Variants in COL9A1 observed in about 807,000 individuals in gnomAD.
COL9A1 encodes collagen alpha-1(IX) chain.
A neutral mutation model predicts 142.6 loss-of-function variants in COL9A1; 104 were observed. The ratio of observed to expected loss-of-function variants is 0.73; its 90% confidence interval spans 0.62 to 0.86. The LOEUF (loss-of-function observed/expected upper bound fraction) is 0.86, where lower values mean the gene tolerates loss of function less well. COL9A1 is among the 40% of genes least tolerant of loss of function. The pLI, the probability that COL9A1 is intolerant of heterozygous loss-of-function variation, is 0.00. For synonymous variants in COL9A1, 466 were observed against 396.0 expected, an observed-to-expected ratio of 1.18 and a Z score of -2.10; for missense variants, 1,210 against 1,176.6, an observed-to-expected ratio of 1.03 and a Z score of -0.42.
chr6:70,239,162 A>G, intron 33 of COL9A1, 92 bp downstream of exon 33: 1 of 887,726 alleles, frequency 1.1e-6, no homozygotes, highest in South Asian at 1.5e-5. Context: ...ATTGAATGTT[A>G]CATAATGATT....
intron 4 of COL9A1, among the ~76,000 whole-genome samples, chr6:70,297,795 C>T (rs1175795282): frequency 1.3e-5 from 2 of 151,550 alleles, no homozygotes; most frequent in South Asian, 2.1e-4. Context: ...AAACATAACA[C>T]GTTTGTTAGT....
chr6:70,280,598 G>C, intron 10 of COL9A1: 2 of 1,300,632 alleles, frequency 1.5e-6, no homozygotes, highest in East Asian at 2.6e-5. Context: ...AAATGCCAAC[G>C]CCTCCTAGAG....
At chr6:70,287,039 G>T (rs570606887) in intron 5 of COL9A1, among the ~76,000 whole-genome samples, 2 of 152,152 alleles carry the variant, frequency 1.3e-5, no homozygotes, top group South Asian at 4.1e-4. Context: ...CAGTGGAGAT[G>T]ACAGAAATAT....
intron 11 of COL9A1, 115 bp from the exon 12 acceptor site, chr6:70,274,197 T>A (rs1015651979): frequency 6.9e-5 from 51 of 737,914 alleles, no homozygotes; most frequent in Middle Eastern, 3.0e-4. Flanking sequence ...TTTTTTTTTT[T>A]AAATTTCCAA....
intron 26 of COL9A1, 120 bp from the exon 27 acceptor site, chr6:70,252,435 G>T: frequency 1.2e-6 from 1 of 854,668 alleles, no homozygotes; most frequent in South Asian, 1.4e-5. Flanking sequence ...CTTTCACACT[G>T]AGAATCTGGG....
intron 28 of COL9A1, among the ~76,000 whole-genome samples, chr6:70,250,020 G>T (rs151336407): frequency 0.046 from 6,942 of 152,170 alleles, 322 homozygotes; most frequent in East Asian, 0.14. Flanking sequence ...CAGCACTTTG[G>T]GAGGCCAAAA....
intron 1 of COL9A1, 28 bp downstream of exon 1, chr6:70,302,883 A>G (rs967126261): frequency 1.9e-6 from 3 of 1,611,978 alleles, no homozygotes; most frequent in Non-Finnish European, 2.5e-6. Context: ...CCATCTCCCC[A>G]CCACTCTTTC....
intron 26 of COL9A1, chr6:70,253,140 G>A (rs530485171): frequency 2.5e-6 from 1 of 394,554 alleles, no homozygotes; most frequent in Non-Finnish European, 4.8e-6. Flanking sequence ...AAAATTTTCT[G>A]TTTTATACTG....
intron 2 of COL9A1, among the ~76,000 whole-genome samples, 192 bp from the exon 3 acceptor site, chr6:70,300,578 T>G (rs551590312): frequency 6.6e-6 from 1 of 152,290 alleles, no homozygotes; most frequent in Admixed American, 6.5e-5. Context: ...CCAGCTTGCT[T>G]AGAGGTAAAG....
intron 10 of COL9A1, chr6:70,279,912 G>A: frequency 3.7e-6 from 2 of 545,640 alleles, no homozygotes; most frequent in Non-Finnish European, 6.9e-6. Context: ...CACATAAAGT[G>A]GTAACTTGAA....
chr6:70,259,997 C>T (rs1771570857), intron 20 of COL9A1, among the ~76,000 whole-genome samples: 1 of 152,084 alleles, frequency 6.6e-6, no homozygotes, highest in South Asian at 2.1e-4. Flanking sequence ...GCTTACCTCT[C>T]CTTTTCCATC....
intron 37 of COL9A1, among the ~76,000 whole-genome samples, chr6:70,218,206 A>C (rs1463557582): frequency 2.0e-5 from 3 of 152,230 alleles, no homozygotes; most frequent in African/African-American, 7.2e-5. Context: ...TATTATTACA[A>C]TTATTAAGAT....
At chr6:70,260,565 A>AG (rs1771608392) in intron 20 of COL9A1, 92 bp downstream of exon 20, 1 of 1,068,466 alleles carries the variant, frequency 9.4e-7, no homozygotes, top group Admixed American at 2.4e-5. Context: ...AAAAAAAAAA[A>AG]AGTTGTTGAA....
intron 20 of COL9A1, among the ~76,000 whole-genome samples, chr6:70,260,269 C>T (rs542590120): frequency 8.5e-5 from 13 of 152,188 alleles, no homozygotes; most frequent in South Asian, 4.1e-4. Flanking sequence ...AGGCTGGGCG[C>T]GGTGGCTCAC....
intron 10 of COL9A1, chr6:70,279,952 C>T: frequency 1.5e-6 from 1 of 670,828 alleles, no homozygotes; most frequent in South Asian, 1.8e-5. Flanking sequence ...CCATGGTATG[C>T]TAAGAACAGA....
chr6:70,239,208 T>C (rs1770095554), intron 33 of COL9A1, 46 bp downstream of exon 33: 1 of 1,215,368 alleles, frequency 8.2e-7, no homozygotes, highest in Non-Finnish European at 1.2e-6. Flanking sequence ...TACAGCTTTA[T>C]TAATGTTTTT....
chr6:70,302,902 T>G lies in COL9A1; in HGVS notation c.14+9A>C, dbSNP rs747649242. 6.2e-7 allele frequency: 1 copy of G among 1,614,052 alleles called. No homozygotes were observed. The highest frequency in any genetic ancestry group is 1.7e-5 in the Admixed American group (1 of 60,032). On this transcript the variant is annotated intron_variant, in intron 1 of 37. Coordinates refer to ENST00000357250, the MANE Select transcript of COL9A1 (RefSeq NM_001851.6). ...CTCCCCACCACTCTTTCCAGGGTTA[T>G]TGTCTTACCAGCAGGTCTTCATTTT...
rs1242662341 is a variant in COL9A1, at chr6:70,300,082, T to A, written c.260A>T (p.Tyr87Phe). ...GAAGTCTACATTATTTCCCAACTTG[T>A]AAGCCACCTGCAATGTAGCTGATCC... ...VVGSATLQVA[Y>F]KLGNNVDFRI... The change falls in exon 4 of 38, where the codon TAC (tyrosine) becomes TTC (phenylalanine). Residue 87 changes from tyrosine to phenylalanine, a missense_variant. By Grantham distance (22) the Tyr-to-Phe change is conservative (BLOSUM62 3). Coordinates refer to ENST00000357250, the MANE Select transcript of COL9A1 (RefSeq NM_001851.6). 5 of 1,614,048 alleles carry A rather than the reference T, an allele frequency of 3.1e-6. No individual in the cohort carries two copies. The highest frequency in any genetic ancestry group is 3.4e-6 in the Non-Finnish European group (4 of 1,179,954).
chr6:70,221,081 TA>T (rs1157680368), intron 37 of COL9A1, among the ~76,000 whole-genome samples: 2 of 151,404 alleles, frequency 1.3e-5, no homozygotes, highest in South Asian at 2.1e-4. Context: ...ATAAAATATT[TA>T]AAATTATTGC....
Sources: allele counts gnomAD v4.1 joint callset (sites outside exome capture counted in the v4.1 genomes callset), GRCh38; gene constraint gnomAD v4.1.1; transcripts MANE v1.5; gene names NCBI Gene and HGNC (gene_info 2026-07-23, HGNC 2026-07-21).